The following HDAC4 variants were observed in gnomAD, a reference collection of about 807,000 sequenced individuals.
The protein encoded by HDAC4 is histone deacetylase 4.
In HDAC4, 16 loss-of-function variants were observed where a neutral mutation model predicts 135.1. The ratio of observed to expected loss-of-function variants is 0.12; its 90% CI spans 0.08 to 0.18. The LOEUF is 0.18. HDAC4 is among the 10% of genes least tolerant of loss of function. The probability of loss-of-function intolerance (pLI) is 1.00; values close to 1 mark genes in which losing one functional copy is unlikely to be tolerated. For synonymous variants in HDAC4, 685 were observed against 653.4 expected (o/e 1.05, Z -0.74); for missense variants, 1,143 against 1,511.8 (o/e 0.76, Z 4.05).
At chr2:239,251,810 A>C (rs2048799760) in intron 2 of HDAC4, among the ~76,000 whole-genome samples, 1 of 152,162 alleles carries the variant, frequency 6.6e-6, no homozygotes, top group Admixed American at 6.5e-5. Flanking sequence ...TCCCTCCAAC[A>C]AAACCAGCTT....
At chr2:239,310,615 G>A (rs565746958) in intron 2 of HDAC4, among the ~76,000 whole-genome samples, 6 of 152,310 alleles carry the variant, frequency 3.9e-5, no homozygotes, top group African/African-American at 1.4e-4. Context: ...GGGCTAAATG[G>A]CTTCAGGAGC....
At chr2:239,391,902 CA>C in intron 1 of HDAC4, among the ~76,000 whole-genome samples, 1 of 118,806 alleles carries the variant, frequency 8.4e-6, no homozygotes, top group South Asian at 4.4e-4. Context: ...AGAACTTCGT[CA>C]GAACGCAGCC....
At chr2:239,335,530 A>C (rs866847148) in intron 2 of HDAC4, among the ~76,000 whole-genome samples, 5 of 135,758 alleles carry the variant, frequency 3.7e-5, no homozygotes, top group Non-Finnish European at 3.1e-5. Flanking sequence ...AAAAAAAAAA[A>C]CACCATTAAG....
At chr2:239,269,984 GC>G (rs200208789) in intron 2 of HDAC4, among the ~76,000 whole-genome samples, 3 of 138,006 alleles carry the variant, frequency 2.2e-5, no homozygotes, top group Non-Finnish European at 4.6e-5. Flanking sequence ...TTATCTCCCC[GC>G]CCCCCAAAAT....
At position 239,396,235 on chromosome 2, in the gene HDAC4, C is replaced by T. The variant is rs1696551583; in HGVS notation, c.-220+4743G>A. Among the ~76,000 whole-genome samples the T allele has an allele frequency of 2.0e-5, 3 of 151,936 alleles. No homozygotes were observed. The South Asian group carries it at 6.2e-4, about 32-fold the overall frequency. On this transcript the variant is annotated intron_variant, in intron 1 of 26. Transcript: ENST00000543185. ...AAGTGATCCTCTCACCTTGGCCTCC[C>T]AAAGTTCTGGGATTACAGGCATAAG...
At chr2:239,291,335 C>G (rs1487733711) in intron 2 of HDAC4, among the ~76,000 whole-genome samples, 1 of 152,196 alleles carries the variant, frequency 6.6e-6, no homozygotes, top group Non-Finnish European at 1.5e-5. Flanking sequence ...AGGCCAGCTG[C>G]GACACCACAG....
At chr2:239,111,841 G>A (rs906753369) in intron 13 of HDAC4, 129 bp from the exon 14 acceptor site, 14 of 866,936 alleles carry the variant, frequency 1.6e-5, no homozygotes, top group African/African-American at 6.6e-5. Flanking sequence ...CAAGGATGCC[G>A]GGAGGCCAGC....
intron 2 of HDAC4, among the ~76,000 whole-genome samples, chr2:239,328,953 CT>C (rs1691360085): frequency 6.6e-6 from 1 of 152,368 alleles, no homozygotes; most frequent in African/African-American, 2.4e-5. Context: ...AGGAGGAATT[CT>C]TTTTAAGAAA....
At chr2:239,149,283 C>G (rs1384252109) in intron 7 of HDAC4, among the ~76,000 whole-genome samples, 1 of 151,778 alleles carries the variant, frequency 6.6e-6, no homozygotes, top group Non-Finnish European at 1.5e-5. Context: ...ACCTGTAGTC[C>G]CAGCTACTCA....
chr2:239,060,513 G>C (rs1387493555), intron 24 of HDAC4, among the ~76,000 whole-genome samples: 2 of 152,220 alleles, frequency 1.3e-5, no homozygotes, highest in Non-Finnish European at 2.9e-5. Context: ...CTGCCGTGGC[G>C]GTCATGAGGA....
intron 2 of HDAC4, chr2:239,298,332 TGA>T: frequency 8.2e-7 from 1 of 1,215,884 alleles, no homozygotes; most frequent in Non-Finnish European, 1.0e-6. Flanking sequence ...CACGTGGAGA[TGA>T]GAGAAGATGC....
intron 2 of HDAC4, among the ~76,000 whole-genome samples, chr2:239,288,493 G>A (rs2051263292): frequency 6.6e-6 from 1 of 152,214 alleles, no homozygotes; most frequent in South Asian, 2.1e-4. Flanking sequence ...GAATTGGAGA[G>A]GAAGACACTA....
chr2:239,105,462 G>C (rs925713601), intron 15 of HDAC4, among the ~76,000 whole-genome samples: 1 of 152,230 alleles, frequency 6.6e-6, no homozygotes, highest in Non-Finnish European at 1.5e-5. Context: ...CCCAAGGCCT[G>C]CTCTGGAGTG....
intron 1 of HDAC4, among the ~76,000 whole-genome samples, chr2:239,379,669 G>C (rs1695275023): frequency 1.3e-5 from 2 of 152,174 alleles, no homozygotes. Flanking sequence ...TTCAGAGCCA[G>C]CCTGGGCACC....
At chr2:239,191,545 C>G (rs1320386838) in intron 3 of HDAC4, among the ~76,000 whole-genome samples, 1 of 152,246 alleles carries the variant, frequency 6.6e-6, no homozygotes, top group Non-Finnish European at 1.5e-5. Flanking sequence ...TCCCAGGACT[C>G]AGCCTTCTCC....
At chr2:239,074,042 G>A (rs1226058145) in intron 22 of HDAC4, among the ~76,000 whole-genome samples, 3 of 145,996 alleles carry the variant, frequency 2.1e-5, no homozygotes, top group Non-Finnish European at 3.0e-5. Flanking sequence ...ACTGAGGGGG[G>A]CAGCAGGACT....
intron 18 of HDAC4, 77 bp from the exon 19 acceptor site, chr2:239,087,691 C>T: frequency 3.7e-6 from 5 of 1,346,882 alleles, no homozygotes; most frequent in Non-Finnish European, 5.3e-6. Flanking sequence ...GTTGCACACT[C>T]AACTTTTAGC....
intron 2 of HDAC4, among the ~76,000 whole-genome samples, chr2:239,327,123 A>G (rs1053534813): frequency 6.6e-6 from 1 of 152,250 alleles, no homozygotes; most frequent in Non-Finnish European, 1.5e-5. Context: ...CAGAGCCCCA[A>G]GGAAGCCACA....
chr2:239,060,248 CCTGT>C (rs2032481292), intron 24 of HDAC4, among the ~76,000 whole-genome samples: 1 of 152,190 alleles, frequency 6.6e-6, no homozygotes, highest in Non-Finnish European at 1.5e-5. Context: ...TCCCCTGCTG[CCTGT>C]CTGTAAGTAG....
Sources: gnomAD v4.1 joint callset for allele counts (sites outside exome capture counted in the v4.1 genomes callset) on GRCh38, gnomAD v4.1.1 for gene constraint, MANE v1.5 for transcripts, NCBI Gene and HGNC (gene_info 2026-07-23, HGNC 2026-07-21) for gene names.